The following TCF4 variants were observed in gnomAD, a reference collection of about 807,000 sequenced individuals.
TCF4 encodes SL3-3 enhancer factor 2.
TCF4 carries 3 observed loss-of-function variants against 82.1 expected under a neutral mutation model. The observed-to-expected ratio is 0.04, with a 90% CI of 0.02 to 0.09. The LOEUF (loss-of-function observed/expected upper bound fraction) is 0.09, where lower values mean the gene tolerates loss of function less well. TCF4 is among the 10% of genes least tolerant of loss of function. The probability of loss-of-function intolerance (pLI) is 1.00; values close to 1 mark genes in which losing one functional copy is unlikely to be tolerated. For synonymous variants in TCF4, 276 were observed against 309.6 expected (o/e 0.89, Z 1.14); for missense variants, 518 against 852.7 (o/e 0.61, Z 4.89).
At chr18:55,508,959 T>G (rs921408097) in intron 3 of TCF4, among the ~76,000 whole-genome samples, 2 of 152,206 alleles carry the variant, frequency 1.3e-5, no homozygotes, top group African/African-American at 4.8e-5. Context: ...TCTGAAACAT[T>G]AGAGTAAATC....
intron 3 of TCF4, among the ~76,000 whole-genome samples, chr18:55,539,211 T>G (rs950016544): frequency 2.6e-5 from 4 of 152,060 alleles, no homozygotes; most frequent in African/African-American, 9.7e-5. Context: ...GCTGGAGTTT[T>G]TAAACCCACA....
intron 8 of TCF4, among the ~76,000 whole-genome samples, chr18:55,333,596 C>G (rs754063943): frequency 6.6e-6 from 1 of 152,156 alleles, no homozygotes; most frequent in Non-Finnish European, 1.5e-5. Flanking sequence ...AAGCTAACAT[C>G]TTAATAAGTG....
intron 8 of TCF4, among the ~76,000 whole-genome samples, chr18:55,284,834 G>A (rs1240946350): frequency 6.6e-6 from 1 of 152,212 alleles, no homozygotes; most frequent in African/African-American, 2.4e-5. Flanking sequence ...AGAGTTCACA[G>A]ATATCCTCAA....
At chr18:55,624,491 T>G (rs1030480255) in intron 2 of TCF4, among the ~76,000 whole-genome samples, 2 of 151,790 alleles carry the variant, frequency 1.3e-5, no homozygotes, top group Non-Finnish European at 2.9e-5. Context: ...TTTTGATCAG[T>G]TTTAATAAAC....
At chr18:55,396,836 T>G (rs1468712601) in intron 6 of TCF4, among the ~76,000 whole-genome samples, 2 of 152,204 alleles carry the variant, frequency 1.3e-5, no homozygotes, top group African/African-American at 4.8e-5. Context: ...AAACAGTAAT[T>G]GTTATGACAC....
At chr18:55,577,116 A>G (rs1603624162) in intron 3 of TCF4, among the ~76,000 whole-genome samples, 2 of 146,156 alleles carry the variant, frequency 1.4e-5, no homozygotes, top group African/African-American at 4.9e-5. Flanking sequence ...ATATGTATAT[A>G]TACATTTATA....
intron 3 of TCF4, among the ~76,000 whole-genome samples, chr18:55,487,004 C>T (rs2096525064): frequency 1.3e-5 from 2 of 152,302 alleles, no homozygotes; most frequent in African/African-American, 4.8e-5. Context: ...TGACAACTGT[C>T]ACTTCTCCAT....
chr18:55,269,816 A>C lies in TCF4; in HGVS notation c.922+15T>G. The C allele has an allele frequency of 6.2e-7, 1 of 1,612,878 alleles. No individual in the cohort carries two copies. Among genetic ancestry groups the C allele is most frequent in the Middle Eastern group, 1.7e-4 (1 of 6,052 alleles). ...ACCAATTGTTGGTATCAGAATTGGC[A>C]TTTCTGTGACTCACCCATTATACTG... On this transcript the variant is annotated intron_variant, in intron 11 of 19. Transcript: ENST00000354452.
chr18:55,613,286 A>G (rs1408527122), intron 2 of TCF4, among the ~76,000 whole-genome samples: 1 of 151,990 alleles, frequency 6.6e-6, no homozygotes, highest in Non-Finnish European at 1.5e-5. Flanking sequence ...CTCCCATCTC[A>G]ATCCCCAGGC....
At chr18:55,299,501 A>G (rs1387505393) in intron 8 of TCF4, among the ~76,000 whole-genome samples, 1 of 150,592 alleles carries the variant, frequency 6.6e-6, no homozygotes, top group African/African-American at 2.4e-5. Flanking sequence ...AGTTTAAAAG[A>G]AGGAAGATGT....
chr18:55,490,333 G>A (rs989315538), intron 3 of TCF4, among the ~76,000 whole-genome samples: 1 of 151,998 alleles, frequency 6.6e-6, no homozygotes, highest in Non-Finnish European at 1.5e-5. Flanking sequence ...AGCAACAAAC[G>A]TGGGCTAGAG....
chr18:55,336,526 C>T (rs942731466), intron 8 of TCF4, among the ~76,000 whole-genome samples: 1 of 151,970 alleles, frequency 6.6e-6, no homozygotes. Flanking sequence ...AAAAGGCAAT[C>T]GAGTAATTTC....
chr18:55,392,947 C>T (rs1025539596), intron 6 of TCF4, among the ~76,000 whole-genome samples: 1 of 152,154 alleles, frequency 6.6e-6, no homozygotes, highest in African/African-American at 2.4e-5. Context: ...TATACAGATA[C>T]CTTACATAAC....
intron 3 of TCF4, among the ~76,000 whole-genome samples, chr18:55,511,781 A>AT (rs2096831371): frequency 6.6e-6 from 1 of 152,144 alleles, no homozygotes; most frequent in African/African-American, 2.4e-5. Context: ...CACAGTGACA[A>AT]TTTTTTAAAA....
intron 5 of TCF4, 98 bp downstream of exon 5, chr18:55,460,921 G>A (rs1037616796): frequency 6.6e-6 from 7 of 1,054,628 alleles, no homozygotes; most frequent in Admixed American, 2.0e-5. Flanking sequence ...AAATATCCAA[G>A]TTTCTAAAAG....
At chr18:55,381,557 T>G (rs770871175) in intron 6 of TCF4, among the ~76,000 whole-genome samples, 1 of 152,228 alleles carries the variant, frequency 6.6e-6, no homozygotes, top group African/African-American at 2.4e-5. Context: ...ATGTGACAAG[T>G]TGGGCTTCTG....
intron 3 of TCF4, among the ~76,000 whole-genome samples, chr18:55,465,892 G>C (rs1210753097): frequency 2.0e-5 from 3 of 152,062 alleles, no homozygotes; most frequent in Non-Finnish European, 4.4e-5. Context: ...TCTTGAATTT[G>C]GCCAAAAAGT....
intron 3 of TCF4, among the ~76,000 whole-genome samples, chr18:55,481,199 A>G (rs917214664): frequency 2.6e-5 from 4 of 151,974 alleles, no homozygotes; most frequent in Non-Finnish European, 4.4e-5. Flanking sequence ...CCGGCATTAT[A>G]TGTGTATTTC....
chr18:55,609,773 C>T (rs1172176401), intron 2 of TCF4, among the ~76,000 whole-genome samples: 1 of 152,084 alleles, frequency 6.6e-6, no homozygotes, highest in South Asian at 2.1e-4. Flanking sequence ...ACTTGCTGTT[C>T]GCTCTGCTTG....
Sources: allele counts gnomAD v4.1 joint callset (sites outside exome capture counted in the v4.1 genomes callset), GRCh38; gene constraint gnomAD v4.1.1; transcripts MANE v1.5; gene names NCBI Gene and HGNC (gene_info 2026-07-23, HGNC 2026-07-21).